Variants in CLEC2D observed in about 807,000 individuals in gnomAD.
CLEC2D encodes C-type lectin related f.
CLEC2D carries 16 observed loss-of-function variants against 20.0 expected under a neutral mutation model. The observed-to-expected ratio is 0.80, with a 90% CI of 0.54 to 1.22. The LOEUF (loss-of-function observed/expected upper bound fraction) is 1.22. Among genes scored for constraint, CLEC2D ranks in the 50% most tolerant of loss-of-function variants. CLEC2D has a pLI of 0.00. For missense variants in CLEC2D, 207 were observed against 221.5 expected (o/e 0.93, Z 0.42); for synonymous variants, 77 against 71.1 (o/e 1.08, Z -0.42).
At chr12:9,683,526 A>G (rs1308716130) in intron 2 of CLEC2D, among the ~76,000 whole-genome samples, 1 of 151,970 alleles carries the variant, frequency 6.6e-6, no homozygotes, top group African/African-American at 2.4e-5. Context: ...TAAGTCTTTA[A>G]TCCATCTTGA....
At chr12:9,670,319 T>TG (rs1269635521) in intron 1 of CLEC2D, among the ~76,000 whole-genome samples, 1 of 152,098 alleles carries the variant, frequency 6.6e-6, no homozygotes, top group Non-Finnish European at 1.5e-5. Context: ...CTTTAGTAAG[T>TG]GAAAAAAATG....
intron 1 of CLEC2D, among the ~76,000 whole-genome samples, chr12:9,679,298 A>G (rs1565465686): frequency 1.3e-5 from 2 of 152,082 alleles, no homozygotes; most frequent in East Asian, 1.9e-4. Flanking sequence ...TTAGGTTTCT[A>G]ACCTGTATAA....
intron 2 of CLEC2D, among the ~76,000 whole-genome samples, chr12:9,682,070 A>T: frequency 6.6e-6 from 1 of 152,128 alleles, no homozygotes; most frequent in East Asian, 1.9e-4. Flanking sequence ...ATTGACACTT[A>T]TGACTGTTTT....
At position 9,694,751 on chromosome 12, in the gene CLEC2D, C is replaced by T. The variant is rs1865940390; in HGVS notation, c.462-9C>T. ...CAGTGGCCAACTGATTCTGCTTCTT[C>T]TCTTGCAGGTTTCCTATCCTGGGAG... is the stretch of plus-strand genomic sequence containing the variant. On this transcript the variant is annotated splice_polypyrimidine_tract_variant and intron_variant, in intron 4 of 4. Coordinates refer to ENST00000290855, the MANE Select transcript of CLEC2D (RefSeq NM_013269.6). 1.3e-6 allele frequency: 2 copies of T among 1,528,690 alleles called. No individual in the cohort carries two copies. The highest frequency in any genetic ancestry group is 1.8e-6 in the Non-Finnish European group (2 of 1,102,494). 94.7% of individuals were successfully genotyped at this position (1,528,690 alleles called of 1,614,324 possible).
intron 1 of CLEC2D, among the ~76,000 whole-genome samples, chr12:9,672,215 CAA>C (rs1865438759): frequency 6.6e-6 from 1 of 152,164 alleles, no homozygotes; most frequent in Non-Finnish European, 1.5e-5. Context: ...GCTTTTATAA[CAA>C]ATCCACTTTC....
chr12:9,669,792 C>T lies in CLEC2D; in HGVS notation c.58C>T (p.Pro20Ser). Residue 20 changes from proline to serine, a missense_variant, in exon 1 of 5, where the codon CCA (proline) becomes TCA (serine). Coordinates refer to ENST00000290855, the MANE Select transcript of CLEC2D (RefSeq NM_013269.6). ...TACACCATCTGAATTGCCTGCAAAC[C>T]CAGGTAAGAAGCTGGGCTCTACAGA... Reference protein sequence around the residue: ...DITPSELPANPGCLHSKEHSI... With the variant: ...DITPSELPANSGCLHSKEHSI... 3 of 1,611,614 alleles carry T rather than the reference C, an allele frequency of 1.9e-6. No individual in the cohort carries two copies. The highest frequency in any genetic ancestry group is 1.1e-5 in the South Asian group (1 of 91,014).
chr12:9,697,988 T>A lies in CLEC2D; in HGVS notation c.*3114T>A, dbSNP rs1866037721. ...GTTAATTAGATTAAGTGTATGTACA[T>A]AAAAACATCACATTATACACATCAA... On this transcript the variant is annotated 3_prime_UTR_variant, in exon 5 of 5. Transcript: ENST00000290855. The A allele has an allele frequency of 6.6e-6, 1 of 152,194 alleles. No homozygotes were observed. Among genetic ancestry groups the A allele is most frequent in the African/African-American group, 2.4e-5 (1 of 41,454 alleles). The allele number at this position is 152,194 out of a possible 1,614,324, so 9.4% of individuals were successfully genotyped here.
intron 2 of CLEC2D, among the ~76,000 whole-genome samples, chr12:9,687,199 C>A (rs1244648877): frequency 6.6e-6 from 1 of 151,854 alleles, no homozygotes; most frequent in Non-Finnish European, 1.5e-5. Context: ...CAGTGGGAAC[C>A]CTGAGCTAGT....
chr12:9,687,818 A>C, intron 2 of CLEC2D, 84 bp from the exon 3 acceptor site: 1 of 781,870 alleles, frequency 1.3e-6, no homozygotes, highest in Non-Finnish European at 1.8e-6. Context: ...GGAGTGTCAG[A>C]AAGTATATTA....
intron 1 of CLEC2D, among the ~76,000 whole-genome samples, chr12:9,672,064 C>G (rs984065287): frequency 6.6e-6 from 1 of 151,930 alleles, no homozygotes; most frequent in Non-Finnish European, 1.5e-5. Context: ...TTATAATGAA[C>G]AAAATCTATT....
intron 3 of CLEC2D, among the ~76,000 whole-genome samples, chr12:9,691,219 A>ATC (rs34850119): frequency 0.61 from 92,343 of 151,802 alleles, 28,835 homozygotes; most frequent in African/African-American, 0.75. Context: ...CCAAATAATT[A>ATC]TGTTATAAAA....
At chr12:9,691,842 A>G (rs969580719) in intron 3 of CLEC2D, among the ~76,000 whole-genome samples, 10 of 152,230 alleles carry the variant, frequency 6.6e-5, no homozygotes, top group Non-Finnish European at 1.5e-4. Context: ...ACTGTAAGGA[A>G]CTAAAAAAAG....
intron 1 of CLEC2D, among the ~76,000 whole-genome samples, chr12:9,678,685 G>A (rs1865573134): frequency 6.6e-6 from 1 of 152,098 alleles, no homozygotes. Context: ...TTACGGGCAT[G>A]TGCCACAAAG....
chr12:9,690,328 T>G (rs1209168278), intron 3 of CLEC2D, among the ~76,000 whole-genome samples: 1 of 152,102 alleles, frequency 6.6e-6, no homozygotes, highest in Non-Finnish European at 1.5e-5. Context: ...TAAGGGATTT[T>G]ATTACCAGTA....
At chr12:9,682,888 T>C (rs1164844678) in intron 2 of CLEC2D, among the ~76,000 whole-genome samples, 1 of 151,444 alleles carries the variant, frequency 6.6e-6, no homozygotes, top group Non-Finnish European at 1.5e-5. Context: ...AGACCCAGTA[T>C]TTCTGGTTAT....
Position 9,680,912 on chromosome 12 carries a change from A to T in CLEC2D, c.62-11A>T, listed in dbSNP as rs749890803. ...TTAATTGTTAAAATGTTTTTCAATA[A>T]TTTTTTCCAGGTTGTCTGCATTCAA... On this transcript the variant is annotated splice_polypyrimidine_tract_variant and intron_variant, in intron 1 of 4. Transcript: ENST00000290855. The T allele has an allele frequency of 3.7e-6, 5 of 1,347,436 alleles. No homozygotes were observed. The highest frequency in any genetic ancestry group is 5.3e-6 in the Non-Finnish European group (5 of 943,032). The allele number at this position is 1,347,436 out of a possible 1,614,324, so 83.5% of individuals were successfully genotyped here.
At chr12:9,670,864 C>T (rs1467788983) in intron 1 of CLEC2D, among the ~76,000 whole-genome samples, 2 of 152,184 alleles carry the variant, frequency 1.3e-5, no homozygotes, top group African/African-American at 4.8e-5. Flanking sequence ...CAATGCTCTA[C>T]TCATTAGTTC....
chr12:9,693,085 A>G lies in CLEC2D; in HGVS notation c.461+154A>G, dbSNP rs762205003. ...ACTTGTATGTTGCAAAGGTTTCACAAGTTCCTCGAATGAATCCAAGACCTG... is the reference window on the plus strand; with the variant it reads ...ACTTGTATGTTGCAAAGGTTTCACAGGTTCCTCGAATGAATCCAAGACCTG... On this transcript the variant is annotated intron_variant, in intron 4 of 4. Transcript: ENST00000290855. 22 of 1,613,866 alleles carry G rather than the reference A, an allele frequency of 1.4e-5. No individual in the cohort carries two copies. The South Asian group carries it at 2.1e-4, about 15-fold the overall frequency.
chr12:9,673,181 T>C (rs1270684534), intron 1 of CLEC2D, among the ~76,000 whole-genome samples: 6 of 152,224 alleles, frequency 3.9e-5, no homozygotes, highest in African/African-American at 1.4e-4. Context: ...TTTCATTGTT[T>C]TTTCCTCATC....
Sources: gnomAD v4.1 joint callset for allele counts (sites outside exome capture counted in the v4.1 genomes callset) on GRCh38, gnomAD v4.1.1 for gene constraint, MANE v1.5 for transcripts, NCBI Gene and HGNC (gene_info 2026-07-23, HGNC 2026-07-21) for gene names.